The following CHD6 variants were observed in gnomAD, a reference collection of about 807,000 sequenced individuals.
The protein encoded by CHD6 is ATP-dependent chromatin remodeler CHD6.
CHD6 carries 50 observed loss-of-function variants against 276.9 expected under a neutral mutation model. The ratio of observed to expected loss-of-function variants is 0.18; its 90% CI spans 0.14 to 0.23. CHD6 has a LOEUF of 0.23. Among genes scored for constraint, CHD6 ranks in the 10% least tolerant of loss-of-function variants. The pLI is 1.00. For synonymous variants in CHD6, 1,173 were observed against 1,229.3 expected (o/e 0.95, Z 0.96); for missense variants, 2,564 against 3,365.8 (o/e 0.76, Z 5.89).
rs114290207 is a variant in CHD6 at position 41,500,548 on chromosome 20, C to T, written c.853-1191G>A. Among the ~76,000 whole-genome samples, 849 of 152,266 alleles carry T rather than the reference C, an allele frequency of 5.6e-3. 8 individuals carry two copies. Among genetic ancestry groups the T allele is most frequent in the African/African-American group, 0.02 (822 of 41,554 alleles). On this transcript the variant is annotated intron_variant, in intron 5 of 36. Transcript: ENST00000373233. ...ACACACGTCCCTTCTCACCACTCAA[C>T]AGGAAGGCAAGTAAACTATAATTAC...
chr20:41,541,800 C>A (rs1319167022), intron 2 of CHD6, among the ~76,000 whole-genome samples: 1 of 152,176 alleles, frequency 6.6e-6, no homozygotes, highest in African/African-American at 2.4e-5. Flanking sequence ...CCTTTCCACC[C>A]CCAAATACTT....
At position 41,413,862 on chromosome 20, in the gene CHD6, G is replaced by T. The variant is rs77539309; in HGVS notation, c.6940-347C>A. The T allele has an allele frequency of 1.6e-5, 3 of 183,886 alleles. No individual in the cohort carries two copies. In the Admixed American group the frequency reaches 1.9e-4, roughly 11 times the overall value. The allele number at this position is 183,886 out of a possible 1,614,324, so 11.4% of individuals were successfully genotyped here. On this transcript the variant is annotated intron_variant, in intron 34 of 36. Coordinates refer to ENST00000373233, the MANE Select transcript of CHD6 (RefSeq NM_032221.5). Reference sequence around the variant, plus strand: ...TCCAGCTCCTGTCCCCACAGCACTCGGTTCCTAGCTCTCTCACATAAAGAA... The same window carrying T: ...TCCAGCTCCTGTCCCCACAGCACTCTGTTCCTAGCTCTCTCACATAAAGAA...
At position 41,514,772 on chromosome 20, in the gene CHD6, A is replaced by C. The variant is rs1313923712; in HGVS notation, c.702+33T>G. 4 of 1,609,474 alleles carry C rather than the reference A, an allele frequency of 2.5e-6. No individual in the cohort carries two copies. In the South Asian group the frequency reaches 4.4e-5, roughly 18 times the overall value. ...CAGCCAGATCCCATCCAGGAGCCGT[A>C]ATCTCCACCAGGCCTCCCGGTCACA... On this transcript the variant is annotated intron_variant, in intron 4 of 36. Transcript: ENST00000373233.
chr20:41,584,272 T>C (rs2045569967), intron 1 of CHD6, among the ~76,000 whole-genome samples: 1 of 152,128 alleles, frequency 6.6e-6, no homozygotes, highest in African/African-American at 2.4e-5. Context: ...ATGAGTTAAT[T>C]CATCGAAAAG....
intron 3 of CHD6, among the ~76,000 whole-genome samples, chr20:41,517,011 C>T (rs1355098784): frequency 1.3e-5 from 2 of 152,152 alleles, no homozygotes; most frequent in Admixed American, 1.3e-4. Context: ...CCAGCCAGTG[C>T]TGATCGCTCA....
At position 41,452,815 on chromosome 20, in the gene CHD6, C is replaced by T; in HGVS notation, c.3248G>A (p.Arg1083Lys). 6.2e-7 allele frequency: 1 copy of T among 1,613,494 alleles called. No homozygotes were observed. Among genetic ancestry groups the T allele is most frequent in the Non-Finnish European group, 8.5e-7 (1 of 1,179,908 alleles). ...SDSDERPTRSRRLNDKARRYL... is the reference protein window; with the variant it reads ...SDSDERPTRSKRLNDKARRYL... Reference sequence around the variant, plus strand: ...GCGCCTGGCTTTGTCATTGAGGCGCCTGGATCTCGTGGGCCTTTCGTCTGA... The same window carrying T: ...GCGCCTGGCTTTGTCATTGAGGCGCTTGGATCTCGTGGGCCTTTCGTCTGA... The change falls in exon 21 of 37, where the codon AGG becomes AAG. Residue 1083 changes from arginine (R) to lysine (K), a missense_variant. Arg to Lys is a conservative substitution (Grantham distance 26, BLOSUM62 2). This residue lies in a region of CHD6 where 515 missense variants were observed against 739.5 expected (regional missense o/e 0.70). Transcript: ENST00000373233. This position sits in a 1 kb window ranked among gnomAD's most constrained non-coding sequence, Gnocchi z 4.2.
intron 18 of CHD6, 95 bp from the exon 19 acceptor site, chr20:41,456,074 C>G (rs2048369336): frequency 8.6e-7 from 1 of 1,166,892 alleles, no homozygotes; most frequent in Non-Finnish European, 1.2e-6. Context: ...CATAGTTCCT[C>G]CATGAACTAC....
intron 27 of CHD6, among the ~76,000 whole-genome samples, chr20:41,435,455 T>C (rs2047675754): frequency 6.6e-6 from 1 of 151,620 alleles, no homozygotes; most frequent in Non-Finnish European, 1.5e-5. Context: ...ATAGAAAAAA[T>C]TAGCTAGGTG....
intron 8 of CHD6, 35 bp from the exon 9 acceptor site, chr20:41,493,979 G>T: frequency 6.5e-7 from 1 of 1,535,006 alleles, no homozygotes; most frequent in Non-Finnish European, 9.0e-7. Context: ...TAGGAAGTAT[G>T]TCCCCTTGCC....
intron 17 of CHD6, among the ~76,000 whole-genome samples, chr20:41,465,658 C>T (rs767875783): frequency 1.6e-4 from 25 of 152,274 alleles, no homozygotes; most frequent in Non-Finnish European, 3.4e-4. Flanking sequence ...ATCAATGTTG[C>T]TTTCTTGGTT....
At chr20:41,550,658 C>T (rs2045131502) in intron 2 of CHD6, among the ~76,000 whole-genome samples, 1 of 152,110 alleles carries the variant, frequency 6.6e-6, no homozygotes, top group African/African-American at 2.4e-5. Context: ...AAAAACCAGC[C>T]CAACAGAAAT....
chr20:41,439,317 C>T (rs1222062206), intron 26 of CHD6, among the ~76,000 whole-genome samples: 1 of 151,442 alleles, frequency 6.6e-6, no homozygotes, highest in Non-Finnish European at 1.5e-5. Context: ...GATTGCGCCA[C>T]TGCACTCCTG....
intron 28 of CHD6, 57 bp from the exon 29 acceptor site, chr20:41,425,451 T>C: frequency 6.8e-7 from 1 of 1,479,662 alleles, no homozygotes; most frequent in African/African-American, 1.4e-5. Flanking sequence ...CAGGAGTGAC[T>C]GTCTTTTGGT....
Position 41,402,421 on chromosome 20 carries a change from G to A in CHD6, c.*2172C>T, listed in dbSNP as rs1183309090. 1.3e-5 allele frequency: 3 copies of A among 230,348 alleles called. No homozygotes were observed. The highest frequency in any genetic ancestry group is 2.6e-5 in the Non-Finnish European group (3 of 116,284). The allele number at this position is 230,348 out of a possible 1,614,324, so 14.3% of individuals were successfully genotyped here. On this transcript the variant is annotated 3_prime_UTR_variant, in exon 37 of 37. Transcript: ENST00000373233. The stretch of plus-strand genomic sequence containing the variant: ...AGGATAACAAGGGATTGAGCATGCT[G>A]GTGGGTTTTTAAGTCAGATCCACAT...
At chr20:41,598,586 A>G (rs918994392) in intron 1 of CHD6, among the ~76,000 whole-genome samples, 2 of 152,146 alleles carry the variant, frequency 1.3e-5, no homozygotes, top group African/African-American at 4.8e-5. Context: ...GCCTGGGGCA[A>G]TAAGGCATGC....
At chr20:41,607,099 C>T (rs2045837691) in intron 1 of CHD6, among the ~76,000 whole-genome samples, 1 of 152,182 alleles carries the variant, frequency 6.6e-6, no homozygotes. Flanking sequence ...CTCCATGGCT[C>T]TCCACCATAC....
chr20:41,509,378 A>G (rs1367509984), intron 5 of CHD6, among the ~76,000 whole-genome samples: 5 of 152,158 alleles, frequency 3.3e-5, no homozygotes, highest in Admixed American at 6.5e-5. Context: ...AACATAACTC[A>G]TGGTTTAGAA....
intron 31 of CHD6, among the ~76,000 whole-genome samples, chr20:41,417,874 CA>C (rs2047053689): frequency 6.6e-6 from 1 of 152,198 alleles, no homozygotes; most frequent in Non-Finnish European, 1.5e-5. Context: ...TTACTTCACT[CA>C]TGGAAAGAAA....
chr20:41,429,163 T>C (rs1347470581), intron 27 of CHD6, among the ~76,000 whole-genome samples: 1 of 152,244 alleles, frequency 6.6e-6, no homozygotes, highest in Non-Finnish European at 1.5e-5. Context: ...ACAGCATAAC[T>C]ACAATGATGA....
Sources: gnomAD v4.1 joint callset for allele counts (sites outside exome capture counted in the v4.1 genomes callset) on GRCh38, gnomAD v4.1.1 for gene constraint, gnomAD v4.1.1 regional missense constraint, Gnocchi (gnomAD v3.1) non-coding constraint, MANE v1.5 for transcripts, NCBI Gene and HGNC (gene_info 2026-07-23, HGNC 2026-07-21) for gene names.